MACROD1: variants seen among roughly 807,000 people sequenced by gnomAD.
The protein encoded by MACROD1 is ADP-ribose glycohydrolase MACROD1.
A neutral mutation model predicts 41.4 loss-of-function variants in MACROD1; 31 were observed. The observed-to-expected ratio is 0.75, with a 90% confidence interval of 0.56 to 1.01. The LOEUF (loss-of-function observed/expected upper bound fraction) is 1.01, where lower values mean the gene tolerates loss of function less well. MACROD1 is among the 50% of genes least tolerant of loss of function. MACROD1 has a pLI of 0.00. For synonymous variants in MACROD1, 252 were observed against 203.4 expected (o/e 1.24, Z -2.03); for missense variants, 473 against 460.0 (o/e 1.03, Z -0.26).
intron 3 of MACROD1, among the ~76,000 whole-genome samples, chr11:64,088,036 G>A (rs1195474593): frequency 6.6e-6 from 1 of 152,172 alleles, no homozygotes; most frequent in African/African-American, 2.4e-5. Context: ...GGAGGCCCTG[G>A]TGGCCCTGTC....
intron 3 of MACROD1, among the ~76,000 whole-genome samples, chr11:64,135,663 G>A (rs1304250056): frequency 6.6e-6 from 1 of 152,216 alleles, no homozygotes; most frequent in Non-Finnish European, 1.5e-5. Context: ...GCTGCCAGGA[G>A]TCCTCGAGGG....
rs537704990 is a variant in MACROD1 at position 64,037,662 on chromosome 11, C to T, written c.518-22381G>A. 5.3e-5 allele frequency among the ~76,000 whole-genome samples: 8 copies of T among 152,102 alleles called. No homozygotes were observed. The East Asian group carries it at 7.7e-4, about 15-fold the overall frequency. On this transcript the variant is annotated intron_variant, in intron 3 of 10. Transcript: ENST00000255681. ...TGGGCACAGGGTGTGTGTGTGTGTG[C>T]GCACCCAGTCCCATGTTCTTTCCCA...
chr11:64,012,756 G>A lies in MACROD1; in HGVS notation c.547+2496C>T, dbSNP rs987865272. ...TCACCATGTTGGCCAGGCTGGTCTCGAACTCTTGACCTGAGGTGATCCACC... is the reference window on the plus strand; with the variant it reads ...TCACCATGTTGGCCAGGCTGGTCTCAAACTCTTGACCTGAGGTGATCCACC... On this transcript the variant is annotated intron_variant, in intron 4 of 10. Transcript: ENST00000255681. 3.3e-5 allele frequency among the ~76,000 whole-genome samples: 5 copies of A among 152,138 alleles called. No individual in the cohort carries two copies. The South Asian group carries it at 8.3e-4, about 25-fold the overall frequency.
In MACROD1 at chr11:64,069,733, C is replaced by G. The variant is rs531063033; in HGVS notation, c.518-54452G>C. 7.9e-5 allele frequency among the ~76,000 whole-genome samples: 12 copies of G among 152,240 alleles called. No homozygotes were observed. The East Asian group carries it at 2.3e-3, about 30-fold the overall frequency. On this transcript the variant is annotated intron_variant, in intron 3 of 10. Transcript: ENST00000255681. ...GGCTGGTGACACCCCCGGGCCCGGC[C>G]CCGGCAGCTGTGTCACCTAAATGCT...
chr11:64,086,379 ACTACCCCCGAG>A (rs1303151942), intron 3 of MACROD1, among the ~76,000 whole-genome samples: 1 of 151,814 alleles, frequency 6.6e-6, no homozygotes, highest in Non-Finnish European at 1.5e-5. Flanking sequence ...TGCCCTTGTG[ACTACCCCCGAG>A]CTCAGAGGAT....
chr11:64,109,870 A>G (rs562997405), intron 3 of MACROD1, among the ~76,000 whole-genome samples: 1 of 152,250 alleles, frequency 6.6e-6, no homozygotes, highest in East Asian at 1.9e-4. Context: ...CCTGTCCGGA[A>G]GGCACAGCAG....
At chr11:64,029,562 G>A (rs898031546) in intron 3 of MACROD1, among the ~76,000 whole-genome samples, 3 of 152,002 alleles carry the variant, frequency 2.0e-5, no homozygotes, top group African/African-American at 7.2e-5. Context: ...GCCCCCATTT[G>A]CTTCCACCTG....
At chr11:64,099,827 A>AGATGGATG (rs544902818) in intron 3 of MACROD1, among the ~76,000 whole-genome samples, 3 of 151,008 alleles carry the variant, frequency 2.0e-5, no homozygotes, top group African/African-American at 7.3e-5. Context: ...GTGAATGGAT[A>AGATGGATG]GATGGATGGA....
intron 3 of MACROD1, among the ~76,000 whole-genome samples, chr11:64,127,511 G>A (rs1186979506): frequency 6.6e-6 from 1 of 152,166 alleles, no homozygotes; most frequent in African/African-American, 2.4e-5. Context: ...GCTCGGAGGC[G>A]GTGACCCGGC....
intron 3 of MACROD1, among the ~76,000 whole-genome samples, chr11:64,070,858 A>G (rs1944096232): frequency 6.6e-6 from 1 of 152,086 alleles, no homozygotes; most frequent in Admixed American, 6.5e-5. Flanking sequence ...GGAGAGGAGG[A>G]AGGAGGAATG....
At chr11:64,015,342 C>G (rs1943066611) in intron 3 of MACROD1, 61 bp from the exon 4 acceptor site, 1 of 1,517,098 alleles carries the variant, frequency 6.6e-7, no homozygotes, top group East Asian at 2.4e-5. Flanking sequence ...GAGTATCAGC[C>G]TTGAGGGGAG....
chr11:64,008,633 T>C (rs1169747401), intron 4 of MACROD1, among the ~76,000 whole-genome samples: 2 of 151,944 alleles, frequency 1.3e-5, no homozygotes, highest in African/African-American at 4.8e-5. Context: ...CACCCTAGCT[T>C]CTCTTGGGCG....
chr11:64,119,966 G>C (rs374832191), intron 3 of MACROD1, among the ~76,000 whole-genome samples: 1 of 152,166 alleles, frequency 6.6e-6, no homozygotes, highest in African/African-American at 2.4e-5. Flanking sequence ...CTTGTTCTGC[G>C]CCAAGGAAAA....
At chr11:64,115,434 G>A (rs1944960364) in intron 3 of MACROD1, among the ~76,000 whole-genome samples, 1 of 151,756 alleles carries the variant, frequency 6.6e-6, no homozygotes, top group Non-Finnish European at 1.5e-5. Context: ...GGGGCAAGGT[G>A]TGGGACAATT....
At chr11:64,129,737 G>A (rs1472111198) in intron 3 of MACROD1, among the ~76,000 whole-genome samples, 1 of 152,226 alleles carries the variant, frequency 6.6e-6, no homozygotes, top group Non-Finnish European at 1.5e-5. Flanking sequence ...GCCTGCTGAA[G>A]AGGATGACAG....
At chr11:64,027,449 C>T (rs1943237316) in intron 3 of MACROD1, among the ~76,000 whole-genome samples, 1 of 152,072 alleles carries the variant, frequency 6.6e-6, no homozygotes, top group Non-Finnish European at 1.5e-5. Flanking sequence ...GCCCATGGGA[C>T]CAAAGAGAAG....
At chr11:64,162,585 C>T (rs1157932140) in intron 1 of MACROD1, among the ~76,000 whole-genome samples, 3 of 152,046 alleles carry the variant, frequency 2.0e-5, no homozygotes, top group Admixed American at 6.6e-5. Context: ...GAGGCTGAGG[C>T]GGGCAGATCA....
At chr11:64,001,829 G>T in intron 4 of MACROD1, 1 of 690,028 alleles carries the variant, frequency 1.4e-6, no homozygotes. Context: ...TCCGAATGGG[G>T]TGCCGTGGCT....
intron 3 of MACROD1, among the ~76,000 whole-genome samples, chr11:64,111,452 T>C (rs1230299680): frequency 6.6e-6 from 1 of 152,242 alleles, no homozygotes; most frequent in Non-Finnish European, 1.5e-5. Flanking sequence ...TACCTGCTCA[T>C]AAGTGGCTTG....
Sources: gnomAD v4.1 joint callset for allele counts (sites outside exome capture counted in the v4.1 genomes callset) on GRCh38, gnomAD v4.1.1 for gene constraint, MANE v1.5 for transcripts, NCBI Gene and HGNC (gene_info 2026-07-23, HGNC 2026-07-21) for gene names.